Variants in ARHGAP24 observed in about 807,000 individuals in gnomAD.
The protein encoded by ARHGAP24 is rho GTPase-activating protein 24.
In ARHGAP24, 50 loss-of-function variants were observed where a neutral mutation model predicts 76.4. That is an observed-to-expected ratio of 0.65 (90% CI 0.52 to 0.83). ARHGAP24 has a LOEUF of 0.83. Among genes scored for constraint, ARHGAP24 ranks in the 40% least tolerant of loss-of-function variants. The pLI, the probability that ARHGAP24 is intolerant of heterozygous loss-of-function variation, is 0.00. For synonymous variants in ARHGAP24, 345 were observed against 323.3 expected (o/e 1.07, Z -0.72); for missense variants, 930 against 914.2 (o/e 1.02, Z -0.22).
Position 85,641,690 on chromosome 4 carries a change from A to T in ARHGAP24, c.180+70969A>T, listed in dbSNP as rs146374964. ...TTGGATTTGATTAATTTGCTAAACC[A>T]TCTAGGAGAACTCAGAGAAGCATGT... On this transcript the variant is annotated intron_variant, in intron 2 of 9. Coordinates refer to ENST00000395184, the MANE Select transcript of ARHGAP24 (RefSeq NM_001025616.3). Among the ~76,000 whole-genome samples, 326 of 152,340 alleles carry T rather than the reference A, an allele frequency of 2.1e-3. 1 individual carries two copies. The highest frequency in any genetic ancestry group is 6.3e-3 in the African/African-American group (264 of 41,590).
chr4:85,770,551 C>T (rs552479476), intron 3 of ARHGAP24, among the ~76,000 whole-genome samples: 2 of 152,158 alleles, frequency 1.3e-5, no homozygotes, highest in Non-Finnish European at 2.9e-5. Flanking sequence ...TCTCAATCCT[C>T]AAAGATGGAT....
intron 2 of ARHGAP24, among the ~76,000 whole-genome samples, chr4:85,579,426 A>G (rs1035244898): frequency 2.6e-5 from 4 of 151,974 alleles, no homozygotes; most frequent in African/African-American, 9.7e-5. Flanking sequence ...ATGTGTTTTA[A>G]AAGCCTATTT....
At chr4:85,825,089 C>CA (rs1729648540) in intron 3 of ARHGAP24, among the ~76,000 whole-genome samples, 1 of 148,878 alleles carries the variant, frequency 6.7e-6, no homozygotes, top group Non-Finnish European at 1.5e-5. Context: ...GACTTCATCT[C>CA]AAAAAAACGA....
chr4:85,613,445 C>T (rs971713572), intron 2 of ARHGAP24, among the ~76,000 whole-genome samples: 1 of 152,114 alleles, frequency 6.6e-6, no homozygotes, highest in South Asian at 2.1e-4. Context: ...ATATGTACAT[C>T]ATATATATGC....
At chr4:85,850,646 G>C (rs1393697320) in intron 3 of ARHGAP24, among the ~76,000 whole-genome samples, 5 of 152,120 alleles carry the variant, frequency 3.3e-5, no homozygotes, top group Admixed American at 3.3e-4. Context: ...CTGGTACATT[G>C]TGTCTTTGTT....
At chr4:85,848,589 AT>A (rs1731026346) in intron 3 of ARHGAP24, among the ~76,000 whole-genome samples, 1 of 151,984 alleles carries the variant, frequency 6.6e-6, no homozygotes, top group African/African-American at 2.4e-5. Context: ...ATCGTTGGAC[AT>A]TTGGGTTGGT....
At chr4:85,973,833 GTTTTTTTTTTTTTTT>G (rs1199796194) in intron 6 of ARHGAP24, among the ~76,000 whole-genome samples, 1 of 42,820 alleles carries the variant, frequency 2.3e-5, no homozygotes, top group African/African-American at 1.1e-4. Flanking sequence ...GCTGCCTATT[GTTTTTTTTTTTTTTT>G]TTTTTTTTTT....
At chr4:85,650,465 T>C (rs1721893433) in intron 2 of ARHGAP24, among the ~76,000 whole-genome samples, 1 of 149,478 alleles carries the variant, frequency 6.7e-6, no homozygotes, top group South Asian at 2.1e-4. Context: ...GAGCTTCTAG[T>C]TTTCTTTAAT....
At chr4:85,777,638 C>A (rs1727356488) in intron 3 of ARHGAP24, among the ~76,000 whole-genome samples, 1 of 152,148 alleles carries the variant, frequency 6.6e-6, no homozygotes, top group Non-Finnish European at 1.5e-5. Flanking sequence ...AGAGAATTGA[C>A]CTTACTTCCC....
At chr4:85,954,372 A>G (rs1737787234) in intron 5 of ARHGAP24, among the ~76,000 whole-genome samples, 1 of 152,112 alleles carries the variant, frequency 6.6e-6, no homozygotes, top group African/African-American at 2.4e-5. Context: ...CTCCTTTAGT[A>G]GTTATCTTGT....
At chr4:85,606,430 G>A (rs142040737) in intron 2 of ARHGAP24, among the ~76,000 whole-genome samples, 21 of 151,888 alleles carry the variant, frequency 1.4e-4, no homozygotes, top group African/African-American at 4.1e-4. Context: ...GGAGAATGGC[G>A]TGAACTCAGG....
chr4:85,843,022 A>G (rs565564925), intron 3 of ARHGAP24, among the ~76,000 whole-genome samples: 4 of 152,332 alleles, frequency 2.6e-5, no homozygotes, highest in Non-Finnish European at 2.9e-5. Context: ...TGATAATGCT[A>G]CAGATACTTT....
At chr4:85,907,585 G>A (rs1734835686) in intron 3 of ARHGAP24, among the ~76,000 whole-genome samples, 1 of 149,236 alleles carries the variant, frequency 6.7e-6, no homozygotes, top group African/African-American at 2.5e-5. Flanking sequence ...GTGTATGTGT[G>A]TACATATGTG....
chr4:85,922,962 C>CT (rs1452866744), intron 3 of ARHGAP24, among the ~76,000 whole-genome samples: 2 of 152,212 alleles, frequency 1.3e-5, no homozygotes, highest in Non-Finnish European at 2.9e-5. Flanking sequence ...CACAGAGGCA[C>CT]TGCGGGGGTT....
intron 2 of ARHGAP24, among the ~76,000 whole-genome samples, chr4:85,621,090 C>A (rs1418258273): frequency 6.6e-6 from 1 of 152,088 alleles, no homozygotes; most frequent in Admixed American, 6.6e-5. Context: ...ATCTATGTTA[C>A]TGCAAAGGAC....
chr4:85,873,343 A>G (rs1732647343), intron 3 of ARHGAP24, among the ~76,000 whole-genome samples: 1 of 152,220 alleles, frequency 6.6e-6, no homozygotes, highest in Admixed American at 6.5e-5. Context: ...CGCTTGATAA[A>G]TGTAAATTTT....
rs987546260 is a variant in ARHGAP24, at chr4:85,541,302, C to G, written c.-20-29220C>G. Among the ~76,000 whole-genome samples, 9 of 137,536 alleles carry G rather than the reference C, an allele frequency of 6.5e-5. No homozygotes were observed. The South Asian group carries it at 1.9e-3, about 29-fold the overall frequency. 90.2% of individuals were successfully genotyped at this position (137,536 alleles called of 152,430 possible). On this transcript the variant is annotated intron_variant, in intron 1 of 9. Coordinates refer to ENST00000395184, the MANE Select transcript of ARHGAP24 (RefSeq NM_001025616.3). Reference sequence around the variant, plus strand: ...CCAAGTAGCTGGGACTACAGGCGCCCGCCACTACGCCCGGCTAATTTTTTG... The same window carrying G: ...CCAAGTAGCTGGGACTACAGGCGCCGGCCACTACGCCCGGCTAATTTTTTG...
At chr4:85,487,766 TAATATATATTTATTATATATTATATA>T (rs1297479229) in intron 1 of ARHGAP24, among the ~76,000 whole-genome samples, 3 of 105,876 alleles carry the variant, frequency 2.8e-5, no homozygotes, top group South Asian at 2.4e-4. Flanking sequence ...ATATATTATA[TAATATATATTTATTATATATTATATA>T]AATATATATT....
intron 2 of ARHGAP24, among the ~76,000 whole-genome samples, chr4:85,632,886 T>G (rs1270061789): frequency 1.3e-5 from 2 of 152,020 alleles, no homozygotes; most frequent in Non-Finnish European, 2.9e-5. Context: ...TCTAGGATGC[T>G]AATTACCCCA....
Sources: gnomAD v4.1 joint callset for allele counts (sites outside exome capture counted in the v4.1 genomes callset) on GRCh38, gnomAD v4.1.1 for gene constraint, MANE v1.5 for transcripts, NCBI Gene and HGNC (gene_info 2026-07-23, HGNC 2026-07-21) for gene names.